TTLL5: variants seen among roughly 807,000 people sequenced by gnomAD.
TTLL5 encodes tubulin polyglutamylase TTLL5.
In TTLL5, 132 loss-of-function variants were observed where a neutral mutation model predicts 168.4. That is an observed-to-expected ratio of 0.78 (90% CI 0.68 to 0.91). The LOEUF (loss-of-function observed/expected upper bound fraction) is 0.91, where lower values mean the gene tolerates loss of function less well. Ranked by LOEUF, TTLL5 falls within the 40% of genes least tolerant of loss-of-function variation. TTLL5 has a pLI of 0.00. For missense variants in TTLL5, 1,545 were observed against 1,581.5 expected, an observed-to-expected ratio of 0.98 and a Z score of 0.39; for synonymous variants, 546 against 558.6, an observed-to-expected ratio of 0.98 and a Z score of 0.32.
intron 28 of TTLL5, among the ~76,000 whole-genome samples, chr14:75,824,710 T>C (rs1895021509): frequency 1.3e-5 from 2 of 151,332 alleles, no homozygotes; most frequent in Admixed American, 6.6e-5. Context: ...GTTAAGATGG[T>C]ACATTTAAAA....
chr14:75,681,465 A>G (rs1884606089), intron 3 of TTLL5, 80 bp from the exon 4 acceptor site: 2 of 1,133,806 alleles, frequency 1.8e-6, no homozygotes, highest in African/African-American at 3.1e-5. Flanking sequence ...ATTGAGTATA[A>G]TTAAGCCACC....
At chr14:75,889,403 G>A (rs1188710764) in intron 30 of TTLL5, among the ~76,000 whole-genome samples, 2 of 152,190 alleles carry the variant, frequency 1.3e-5, no homozygotes, top group African/African-American at 4.8e-5. Flanking sequence ...TAAATCAATA[G>A]ATACATAACT....
Position 75,818,128 on chromosome 14 carries a change from G to A in TTLL5, c.3172-1879G>A, listed in dbSNP as rs189024670. 3.3e-3 allele frequency among the ~76,000 whole-genome samples: 502 copies of A among 151,932 alleles called. 7 individuals carry two copies. The highest frequency in any genetic ancestry group is 0.011 in the African/African-American group (475 of 41,464). On this transcript the variant is annotated intron_variant, in intron 27 of 31. Coordinates refer to ENST00000298832, the MANE Select transcript of TTLL5 (RefSeq NM_015072.5). ...GCTGCGATTATAGGCGTGAGCCACC[G>A]TGCCCGGCCCCATTCTTTCTTTTCT... is the stretch of plus-strand genomic sequence containing the variant.
chr14:75,945,770 A>G (rs2034753769), intron 31 of TTLL5, among the ~76,000 whole-genome samples: 1 of 152,208 alleles, frequency 6.6e-6, no homozygotes, highest in African/African-American at 2.4e-5. Flanking sequence ...AGATACACAT[A>G]TTGCAGTGAA....
At chr14:75,920,795 C>G (rs1460216527) in intron 31 of TTLL5, among the ~76,000 whole-genome samples, 11 of 152,144 alleles carry the variant, frequency 7.2e-5, no homozygotes, top group Non-Finnish European at 1.3e-4. Flanking sequence ...AATGGTAATT[C>G]TAGTTCTAGA....
intron 28 of TTLL5, among the ~76,000 whole-genome samples, chr14:75,853,949 C>T (rs1434954648): frequency 6.6e-6 from 1 of 151,946 alleles, no homozygotes; most frequent in African/African-American, 2.4e-5. Context: ...GAGGCTGAGG[C>T]ATGAGAACTG....
At chr14:75,863,934 A>AAAAAAAAAAAAAAAG (rs869255321) in intron 29 of TTLL5, 72 bp downstream of exon 29, 1 of 1,267,194 alleles carries the variant, frequency 7.9e-7, no homozygotes, top group African/African-American at 1.6e-5. Flanking sequence ...AAAAAAAAAA[A>AAAAAAAAAAAAAAAG]GGTCAGTGAA....
chr14:75,874,553 AATG>A (rs1350238615), intron 29 of TTLL5, among the ~76,000 whole-genome samples: 3 of 152,312 alleles, frequency 2.0e-5, no homozygotes, highest in Non-Finnish European at 4.4e-5. Context: ...TAATCAAAGG[AATG>A]ATAAGTAAAT....
intron 31 of TTLL5, among the ~76,000 whole-genome samples, chr14:75,908,833 G>T (rs1756373551): frequency 6.6e-6 from 1 of 152,162 alleles, no homozygotes; most frequent in Non-Finnish European, 1.5e-5. Context: ...CTGGAGTGCA[G>T]TGGTGTGATC....
chr14:75,785,652 C>T (rs1892324942), intron 26 of TTLL5, among the ~76,000 whole-genome samples: 1 of 152,158 alleles, frequency 6.6e-6, no homozygotes, highest in Non-Finnish European at 1.5e-5. Flanking sequence ...ATTGTCTTGG[C>T]ACTCTTCTCA....
intron 24 of TTLL5, 73 bp downstream of exon 24, chr14:75,779,775 G>T: frequency 1.4e-6 from 2 of 1,479,000 alleles, no homozygotes; most frequent in Non-Finnish European, 1.8e-6. Context: ...GGAGAATGAG[G>T]AATAATGTGT....
intron 28 of TTLL5, among the ~76,000 whole-genome samples, chr14:75,836,692 G>A (rs1036388756): frequency 6.6e-6 from 1 of 151,590 alleles, no homozygotes; most frequent in Admixed American, 6.6e-5. Context: ...TGCTATGTAT[G>A]CAAAAAAATG....
chr14:75,695,653 C>A (rs766712603), intron 6 of TTLL5, among the ~76,000 whole-genome samples: 1 of 152,076 alleles, frequency 6.6e-6, no homozygotes, highest in Non-Finnish European at 1.5e-5. Context: ...TTTCTCAGAC[C>A]GGCCAACACT....
intron 27 of TTLL5, chr14:75,814,501 A>G (rs1894263836): frequency 6.6e-6 from 1 of 152,154 alleles, no homozygotes; most frequent in Non-Finnish European, 1.5e-5. Context: ...ATGAACCCTA[A>G]TTGGCTTGTA....
At chr14:75,786,482 G>A (rs551597452) in intron 26 of TTLL5, among the ~76,000 whole-genome samples, 20 of 152,124 alleles carry the variant, frequency 1.3e-4, no homozygotes, top group African/African-American at 4.8e-4. Flanking sequence ...CTTTATTTTT[G>A]TAATTGGTTT....
intron 26 of TTLL5, among the ~76,000 whole-genome samples, chr14:75,784,115 A>G (rs1892228618): frequency 6.6e-6 from 1 of 152,138 alleles, no homozygotes; most frequent in African/African-American, 2.4e-5. Flanking sequence ...TGTACATTCG[A>G]CACCAGTATC....
At chr14:75,772,959 G>T (rs546463259) in intron 21 of TTLL5, among the ~76,000 whole-genome samples, 1 of 152,162 alleles carries the variant, frequency 6.6e-6, no homozygotes, top group East Asian at 1.9e-4. Flanking sequence ...GAGCCAGCGC[G>T]CCTGGCCCCA....
chr14:75,904,072 C>A, intron 31 of TTLL5: 1 of 1,216,894 alleles, frequency 8.2e-7, no homozygotes, highest in Non-Finnish European at 1.0e-6. Context: ...CCACTCCCTG[C>A]TCATGCCCCA....
rs371216264 is a variant in TTLL5, at chr14:75,700,202, G to A, written c.585+932G>A. Among the ~76,000 whole-genome samples the A allele has an allele frequency of 2.8e-4, 43 of 152,242 alleles. 1 individual carries two copies. The South Asian group carries it at 8.7e-3, about 31-fold the overall frequency. The stretch of plus-strand genomic sequence containing the variant: ...ATGAGCCGGGCATGAGAGGGCCCCC[G>A]CTACCACCAAGGAGTGTCAGGTGAT... On this transcript the variant is annotated intron_variant, in intron 7 of 31. Transcript: ENST00000298832.
Sources: gnomAD v4.1 joint callset for allele counts (sites outside exome capture counted in the v4.1 genomes callset) on GRCh38, gnomAD v4.1.1 for gene constraint, MANE v1.5 for transcripts, NCBI Gene and HGNC (gene_info 2026-07-23, HGNC 2026-07-21) for gene names.